The following NBPF12 variants were observed in gnomAD, a reference collection of about 807,000 sequenced individuals.
NBPF12 encodes NBPF family member NBPF12.
A neutral mutation model predicts 146.4 loss-of-function variants in NBPF12; 115 were observed. That is an observed-to-expected ratio of 0.79 (90% CI 0.68 to 0.92). The LOEUF (loss-of-function observed/expected upper bound fraction) is 0.92, where lower values mean the gene tolerates loss of function less well. Ranked by LOEUF, NBPF12 falls within the 40% of genes least tolerant of loss-of-function variation. The pLI, the probability that NBPF12 is intolerant of heterozygous loss-of-function variation, is 0.00. For synonymous variants in NBPF12, 385 were observed against 508.9 expected, an observed-to-expected ratio of 0.76 and a Z score of 3.28; for missense variants, 1,205 against 1,326.8, an observed-to-expected ratio of 0.91 and a Z score of 1.43.
At chr1:146,981,405 G>A (rs1657382366) in intron 19 of NBPF12, among the ~76,000 whole-genome samples, 1 of 150,886 alleles carries the variant, frequency 6.6e-6, no homozygotes, top group Non-Finnish European at 1.5e-5. Context: ...GGCTTGTAGG[G>A]TTTGTGCCAA....
At chr1:146,966,198 A>G (rs1184069251) in intron 8 of NBPF12, among the ~76,000 whole-genome samples, 2 of 152,144 alleles carry the variant, frequency 1.3e-5, no homozygotes, top group Middle Eastern at 3.4e-3. Flanking sequence ...CTCATGGGAT[A>G]AAAATCTCAG....
intron 9 of NBPF12, 38 bp downstream of exon 12, chr1:146,966,711 C>T: frequency 9.1e-7 from 1 of 1,103,848 alleles, no homozygotes; most frequent in Non-Finnish European, 1.4e-6. Flanking sequence ...AAGTGATGAA[C>T]AACGTCCTGT....
At chr1:146,946,512 C>CTTTTTTT (rs3071268), upstream of NBPF12, among the ~76,000 whole-genome samples, 2 of 40,998 alleles carry the variant, frequency 4.9e-5, no homozygotes, top group Admixed American at 3.6e-4. Context: ...GATCTTTCAC[C>CTTTTTTT]TTTTTTTTTT....
chr1:146,972,973 T>G lies in NBPF12; in HGVS notation c.1801+13T>G, dbSNP rs1553886830. 49 of 910,690 alleles carry G rather than the reference T, an allele frequency of 5.4e-5. 2 individuals carry two copies. The highest frequency in any genetic ancestry group is 3.2e-4 in the Middle Eastern group (1 of 3,166). The allele number at this position is 910,690 out of a possible 1,614,324, so 56.4% of individuals were successfully genotyped here. A position where few individuals can be genotyped will look rare whatever the true frequency, so the allele number is the denominator to read the frequency against. On this transcript the variant is annotated intron_variant, in intron 14 of 33. Coordinates refer to ENST00000617844, the Ensembl canonical transcript of NBPF12. ...CAGAACAAATACAGTAAGATCTATA[T>G]GCTCACCATCATGAAAGTGATGAAC...
rs1656590443 is a variant in NBPF12 at position 146,971,218 on chromosome 1, AG to A, written c.1417del (p.Asp473ThrfsTer41). 1 of 1,611,816 alleles carries A rather than the reference AG, an allele frequency of 6.2e-7. No individual in the cohort carries two copies. The highest frequency in any genetic ancestry group is 1.4e-5 in the African/African-American group (1 of 73,822). On this transcript the variant is annotated frameshift_variant, in exon 13 of 34. Transcript: ENST00000617844. LOFTEE classifies it high-confidence loss of function. ...AAGGCTGAAGAAAGCAAAGTCCCTG[AG>A]GACTCACTGGAGGAATGTGCCATCA... is the stretch of plus-strand genomic sequence containing the variant.
At chr1:146,946,998 C>A (rs1321142395), upstream of NBPF12, among the ~76,000 whole-genome samples, 1 of 151,970 alleles carries the variant, frequency 6.6e-6, no homozygotes, top group Admixed American at 6.6e-5. Context: ...TGTAGGCCTG[C>A]TTCTGGGCTC....
At chr1:146,970,857 G>A in intron 12 of NBPF12, 138 bp downstream of exon 15, 2 of 1,005,930 alleles carry the variant, frequency 2.0e-6, no homozygotes, top group Non-Finnish European at 3.2e-6. Context: ...ACCCAGCTTA[G>A]ACACAGGGTG....
chr1:146,972,668 C>T, intron 13 of NBPF12, 83 bp from the exon 17 acceptor site: 1 of 1,125,276 alleles, frequency 8.9e-7, no homozygotes, highest in Non-Finnish European at 1.4e-6. Flanking sequence ...ACAAGGCTAC[C>T]AGTGACATCC....
chr1:146,962,173 G>T, exon 5 of NBPF12: 1 of 1,608,852 alleles, frequency 6.2e-7, no homozygotes, highest in Non-Finnish European at 8.5e-7. Context: ...TATGAAGAGT[G>T]TAAAGACCTC....
chr1:146,971,539 C>G, intron 13 of NBPF12, 145 bp downstream of exon 16: 2 of 756,308 alleles, frequency 2.6e-6, no homozygotes, highest in Non-Finnish European at 4.3e-6. Flanking sequence ...CATATAATCA[C>G]AGCACTTTGG....
intron 31 of NBPF12, among the ~76,000 whole-genome samples, chr1:146,992,462 CTGTGTGTGTG>C (rs1163182082): frequency 0.013 from 851 of 65,914 alleles, 6 homozygotes; most frequent in Non-Finnish European, 0.015. Flanking sequence ...CTCTCTCTCT[CTGTGTGTGTG>C]TGTGTGTGTG....
At chr1:146,984,754 G>T (rs1331329555) in intron 21 of NBPF12, 59 bp from the exon 25 acceptor site, 14 of 818,786 alleles carry the variant, frequency 1.7e-5, no homozygotes, top group Non-Finnish European at 2.8e-5. Context: ...AAATCTAGCT[G>T]GGGCTGTGTG....
At chr1:146,976,645 C>T (rs1430838090) in intron 16 of NBPF12, among the ~76,000 whole-genome samples, 18 of 151,330 alleles carry the variant, frequency 1.2e-4, no homozygotes, top group Non-Finnish European at 2.4e-4. Flanking sequence ...GGGGAGACAG[C>T]TGCCAAAGTC....
chr1:146,986,155 C>G (rs1657746823), intron 23 of NBPF12, among the ~76,000 whole-genome samples, 197 bp from the exon 27 acceptor site: 1 of 145,282 alleles, frequency 6.9e-6, no homozygotes, highest in Non-Finnish European at 1.5e-5. Flanking sequence ...CTCTCTCTCC[C>G]TCTCCCTGTC....
At chr1:146,950,045 C>A (rs1180280744) in intron 1 of NBPF12, among the ~76,000 whole-genome samples, 1 of 152,058 alleles carries the variant, frequency 6.6e-6, no homozygotes, top group African/African-American at 2.4e-5. Flanking sequence ...TGTCTCATCA[C>A]GTTAAGAGGC....
rs1331736139 is a variant in NBPF12 at position 146,969,684 on chromosome 1, A to G, written c.1306+88A>G. 9 of 1,539,584 alleles carry G rather than the reference A, an allele frequency of 5.8e-6. No individual in the cohort carries two copies. In the African/African-American group the frequency reaches 8.3e-5, roughly 14 times the overall value. ...ATACTTTCACAATGACAGTTGTATC[A>G]GTGGGGTTTTTTTCTACTACACATG... On this transcript the variant is annotated intron_variant, in intron 11 of 33. Transcript: ENST00000617844.
At chr1:146,948,572 C>A (rs1655176224), upstream of NBPF12, among the ~76,000 whole-genome samples, 1 of 151,880 alleles carries the variant, frequency 6.6e-6, no homozygotes, top group Non-Finnish European at 1.5e-5. Context: ...CATCACCACT[C>A]CCTAATCTCA....
intron 15 of NBPF12, among the ~76,000 whole-genome samples, chr1:146,975,455 T>G (rs1189695173): frequency 1.3e-5 from 2 of 150,254 alleles, no homozygotes; most frequent in Admixed American, 1.3e-4. Context: ...GAAAGATGAA[T>G]GGAACATCAT....
At chr1:146,979,129 T>A in intron 19 of NBPF12, 119 bp downstream of exon 22, 1 of 520,394 alleles carries the variant, frequency 1.9e-6, no homozygotes, top group Non-Finnish European at 3.4e-6. Flanking sequence ...CTACAAATTG[T>A]GCTGATTTAC....
Sources: gnomAD v4.1 joint callset for allele counts (sites outside exome capture counted in the v4.1 genomes callset) on GRCh38, gnomAD v4.1.1 for gene constraint, MANE v1.5 for transcripts, NCBI Gene and HGNC (gene_info 2026-07-23, HGNC 2026-07-21) for gene names.